The following CDKAL1 variants were observed in gnomAD, a reference collection of about 807,000 sequenced individuals.
CDKAL1 encodes threonylcarbamoyladenosine tRNA methylthiotransferase.
Under a neutral mutation model 68.2 loss-of-function variants are expected in CDKAL1, and 32 were observed. That is an observed-to-expected ratio of 0.47 (90% CI 0.35 to 0.63). The LOEUF is 0.63. Among genes scored for constraint, CDKAL1 ranks in the 30% least tolerant of loss-of-function variants. CDKAL1 has a pLI of 0.00. For synonymous variants in CDKAL1, 234 were observed against 244.3 expected (o/e 0.96, Z 0.39); for missense variants, 606 against 696.7 (o/e 0.87, Z 1.47).
At chr6:20,774,827 A>C (rs1775103878) in intron 7 of CDKAL1, among the ~76,000 whole-genome samples, 1 of 152,230 alleles carries the variant, frequency 6.6e-6, no homozygotes, top group Admixed American at 6.5e-5. Flanking sequence ...CAAATGTAAA[A>C]ACCAGCATGG....
chr6:21,110,969 TA>T (rs1333452052), intron 13 of CDKAL1, among the ~76,000 whole-genome samples: 1 of 151,120 alleles, frequency 6.6e-6, no homozygotes, highest in Non-Finnish European at 1.5e-5. Context: ...ACCCCGTCTC[TA>T]AAAGAACATT....
intron 4 of CDKAL1, among the ~76,000 whole-genome samples, chr6:20,595,687 C>G (rs1328394141): frequency 6.6e-6 from 1 of 152,132 alleles, no homozygotes; most frequent in Non-Finnish European, 1.5e-5. Context: ...GTTCGTCACA[C>G]TCATTCTCTG....
intron 5 of CDKAL1, among the ~76,000 whole-genome samples, chr6:20,681,665 A>G (rs1057421152): frequency 6.6e-6 from 1 of 152,042 alleles, no homozygotes; most frequent in African/African-American, 2.4e-5. Context: ...GGGGAATTGC[A>G]AAGTGGTGGC....
chr6:20,892,555 G>A (rs1211871622), intron 9 of CDKAL1, among the ~76,000 whole-genome samples: 1 of 151,972 alleles, frequency 6.6e-6, no homozygotes, highest in East Asian at 1.9e-4. Flanking sequence ...AAAAGCATGA[G>A]GATGAATTAT....
At chr6:20,725,136 C>G (rs1252893150) in intron 5 of CDKAL1, among the ~76,000 whole-genome samples, 5 of 152,068 alleles carry the variant, frequency 3.3e-5, no homozygotes, top group African/African-American at 1.2e-4. Flanking sequence ...CCACCCCCGC[C>G]TTTTTCTTTT....
intron 6 of CDKAL1, among the ~76,000 whole-genome samples, chr6:20,741,944 C>T (rs1162422241): frequency 1.3e-5 from 2 of 152,072 alleles, no homozygotes; most frequent in Non-Finnish European, 2.9e-5. Context: ...GTAAGTGTTC[C>T]CTTTTCTCCA....
intron 8 of CDKAL1, among the ~76,000 whole-genome samples, chr6:20,832,900 C>G (rs758228501): frequency 1.5e-4 from 23 of 152,126 alleles, no homozygotes; most frequent in Non-Finnish European, 2.6e-4. Context: ...GCTATATCTC[C>G]TCTGACTTTT....
intron 15 of CDKAL1, among the ~76,000 whole-genome samples, chr6:21,225,285 A>T (rs1779698924): frequency 6.6e-6 from 1 of 152,086 alleles, no homozygotes; most frequent in Non-Finnish European, 1.5e-5. Flanking sequence ...GGGGCGGGTG[A>T]TGGTTTTAGT....
chr6:20,958,632 C>G (rs542561883), intron 10 of CDKAL1, among the ~76,000 whole-genome samples: 18 of 152,202 alleles, frequency 1.2e-4, no homozygotes, highest in Admixed American at 5.9e-4. Context: ...AAAATAACAG[C>G]AAATGAAGGT....
At chr6:21,014,171 C>A (rs1011412539) in intron 11 of CDKAL1, among the ~76,000 whole-genome samples, 6 of 152,210 alleles carry the variant, frequency 3.9e-5, no homozygotes, top group African/African-American at 1.2e-4. Flanking sequence ...ACATAACTTT[C>A]CCTAGCTGCA....
chr6:21,056,108 T>C (rs899425013), intron 11 of CDKAL1, among the ~76,000 whole-genome samples: 6 of 152,240 alleles, frequency 3.9e-5, no homozygotes, highest in African/African-American at 1.2e-4. Flanking sequence ...TGATTTGCAT[T>C]TCTCTAATGA....
intron 4 of CDKAL1, among the ~76,000 whole-genome samples, chr6:20,557,656 G>A (rs1385752963): frequency 6.6e-6 from 1 of 152,172 alleles, no homozygotes; most frequent in Non-Finnish European, 1.5e-5. Flanking sequence ...GCTGGGCACG[G>A]TGGCTCATGC....
chr6:21,208,487 C>G (rs1779025172), intron 15 of CDKAL1, among the ~76,000 whole-genome samples: 1 of 152,164 alleles, frequency 6.6e-6, no homozygotes, highest in African/African-American at 2.4e-5. Context: ...AGTTAAAACA[C>G]TTGAAAGTGG....
At chr6:20,805,853 G>C (rs540250229) in intron 8 of CDKAL1, among the ~76,000 whole-genome samples, 1 of 152,322 alleles carries the variant, frequency 6.6e-6, no homozygotes, top group South Asian at 2.1e-4. Flanking sequence ...CGCTGAAGAA[G>C]TATGTGCACT....
chr6:20,881,482 G>T (rs192302982), intron 9 of CDKAL1, among the ~76,000 whole-genome samples: 187 of 152,242 alleles, frequency 1.2e-3, no homozygotes, highest in African/African-American at 4.2e-3. Flanking sequence ...TCTGTGAATG[G>T]ACTCTTTCTG....
At chr6:21,230,821 T>C (rs1490558152) in intron 15 of CDKAL1, 27 bp from the exon 16 acceptor site, 1 of 1,543,758 alleles carries the variant, frequency 6.5e-7, no homozygotes, top group African/African-American at 1.4e-5. Flanking sequence ...CTAAAAATAA[T>C]TTTTTCCTCT....
intron 13 of CDKAL1, among the ~76,000 whole-genome samples, chr6:21,123,689 A>G (rs4315997): frequency 0.53 from 81,234 of 152,124 alleles, 22,667 homozygotes; most frequent in African/African-American, 0.7. Context: ...GTTCACTCCC[A>G]CATGTTGTAA....
intron 8 of CDKAL1, among the ~76,000 whole-genome samples, chr6:20,784,931 G>A (rs553105406): frequency 6.6e-6 from 1 of 151,800 alleles, no homozygotes; most frequent in South Asian, 2.1e-4. Flanking sequence ...TTTGCTTTAG[G>A]TAACCATTTT....
chr6:20,694,326 A>C (rs1454064030), intron 5 of CDKAL1, among the ~76,000 whole-genome samples: 1 of 152,158 alleles, frequency 6.6e-6, no homozygotes, highest in Non-Finnish European at 1.5e-5. Context: ...TACAGGCATG[A>C]GCCACTGTGC....
Sources: allele counts gnomAD v4.1 joint callset (sites outside exome capture counted in the v4.1 genomes callset), GRCh38; gene constraint gnomAD v4.1.1; transcripts MANE v1.5; gene names NCBI Gene and HGNC (gene_info 2026-07-23, HGNC 2026-07-21).